Variants in RNF212B observed in about 807,000 individuals in gnomAD.
RNF212B encodes the protein ring finger protein 212B.
A neutral mutation model predicts 55.5 loss-of-function variants in RNF212B; 52 were observed. That is an observed-to-expected ratio of 0.94 (90% confidence interval 0.75 to 1.18). RNF212B has a LOEUF of 1.18. Among genes scored for constraint, RNF212B ranks in the 50% most tolerant of loss-of-function variants. The pLI is 0.00. For synonymous variants in RNF212B, 99 were observed against 121.4 expected (o/e 0.82, Z 1.21); for missense variants, 289 against 350.4 (o/e 0.82, Z 1.40).
chr14:23,271,698 C>G lies in RNF212B; in HGVS notation c.834+1037C>G, dbSNP rs561366351. On this transcript the variant is annotated intron_variant, in intron 14 of 14. Transcript: ENST00000430154. ...CAACACTGGGGAAGTAACATTCCTCCCTAAAATCCTCAAATGGAGGGATTA... is the reference window on the plus strand; with the variant it reads ...CAACACTGGGGAAGTAACATTCCTCGCTAAAATCCTCAAATGGAGGGATTA... 2.0e-5 allele frequency among the ~76,000 whole-genome samples: 3 copies of G among 151,996 alleles called. No homozygotes were observed. The East Asian group carries it at 5.8e-4, about 29-fold the overall frequency.
intron 4 of RNF212B, among the ~76,000 whole-genome samples, chr14:23,254,286 CAA>C (rs763020430): frequency 1.9e-4 from 16 of 84,792 alleles, no homozygotes; most frequent in South Asian, 1.1e-3. Context: ...CTCTTTATCT[CAA>C]AAACAAAACA....
chr14:23,194,746 A>AC (rs764496549), intron 2 of RNF212B, among the ~76,000 whole-genome samples: 9 of 151,440 alleles, frequency 5.9e-5, no homozygotes, highest in Middle Eastern at 3.4e-3. Context: ...AAAAAAAAAA[A>AC]AAAAAAAAAA....
intron 2 of RNF212B, among the ~76,000 whole-genome samples, chr14:23,224,602 T>C (rs1881848262): frequency 6.6e-6 from 1 of 152,240 alleles, no homozygotes; most frequent in East Asian, 1.9e-4. Context: ...AAAAGTCAAA[T>C]CAAAATGAAT....
chr14:23,222,726 T>C (rs899027111), intron 2 of RNF212B, among the ~76,000 whole-genome samples: 1 of 152,006 alleles, frequency 6.6e-6, no homozygotes, highest in African/African-American at 2.4e-5. Flanking sequence ...GATGCGAAAA[T>C]GCTAGTAAAC....
intron 12 of RNF212B, 93 bp downstream of exon 12, chr14:23,269,056 G>C: frequency 9.4e-7 from 1 of 1,064,648 alleles, no homozygotes; most frequent in Non-Finnish European, 1.4e-6. Flanking sequence ...TGTAATCCCA[G>C]CACTTTGGGA....
At position 23,201,672 on chromosome 14, in the gene RNF212B, T is replaced by A. The variant is rs534387764; in HGVS notation, c.-2+8271T>A. 7.2e-5 allele frequency among the ~76,000 whole-genome samples: 11 copies of A among 152,296 alleles called. No homozygotes were observed. The East Asian group carries it at 2.1e-3, about 29-fold the overall frequency. ...CAATTTATAATTTAATTTTGGAAAG[T>A]TTGTCAAATATAAAAGGTTTAAAAC... On this transcript the variant is annotated intron_variant, in intron 2 of 15. Transcript: ENST00000399910.
At chr14:23,202,715 G>T (rs1879424751) in intron 2 of RNF212B, among the ~76,000 whole-genome samples, 1 of 152,062 alleles carries the variant, frequency 6.6e-6, no homozygotes, top group African/African-American at 2.4e-5. Context: ...GCCGGGCATG[G>T]TGGTGGGCAC....
At chr14:23,233,562 C>CAAAAAAA (rs35654046), upstream of RNF212B, among the ~76,000 whole-genome samples, 80 of 58,364 alleles carry the variant, frequency 1.4e-3, no homozygotes, top group African/African-American at 1.8e-3. Flanking sequence ...CCCATCTCTA[C>CAAAAAAA]AAAAAAAAAA....
chr14:23,236,476 C>T (rs1233489949), upstream of RNF212B, among the ~76,000 whole-genome samples: 2 of 152,150 alleles, frequency 1.3e-5, no homozygotes, highest in Non-Finnish European at 2.9e-5. Flanking sequence ...GATGGCGCCA[C>T]TGCACTCCAG....
intron 2 of RNF212B, among the ~76,000 whole-genome samples, chr14:23,200,084 TTC>T (rs560709055): frequency 3.9e-5 from 6 of 151,992 alleles, no homozygotes; most frequent in South Asian, 2.1e-4. Context: ...AAACATTTTT[TTC>T]TCTCTCTCTC....
chr14:23,232,443 CCGG>C (rs1882730493), intron 2 of RNF212B, among the ~76,000 whole-genome samples: 1 of 114,300 alleles, frequency 8.7e-6, no homozygotes, highest in Non-Finnish European at 2.1e-5. Flanking sequence ...GCGCCTCCGC[CCGG>C]CAGCCGCCCC....
chr14:23,264,693 G>T (rs1463610330), intron 11 of RNF212B, 22 bp downstream of exon 11: 2 of 1,269,564 alleles, frequency 1.6e-6, no homozygotes, highest in Non-Finnish European at 2.0e-6. Context: ...GGAAAAGGGT[G>T]TCAGAAATCA....
At chr14:23,186,346 AT>A (rs60915610) in intron 1 of RNF212B, among the ~76,000 whole-genome samples, 100,806 of 146,414 alleles carry the variant, frequency 0.69, 36,732 homozygotes, top group Non-Finnish European at 0.81. Context: ...AATTTTGAGC[AT>A]TTTTTTTTTT....
At chr14:23,194,140 C>A (rs1878404581) in intron 2 of RNF212B, among the ~76,000 whole-genome samples, 2 of 152,146 alleles carry the variant, frequency 1.3e-5, no homozygotes, top group Non-Finnish European at 2.9e-5. Flanking sequence ...CCATTCCTGG[C>A]CTCATATACT....
chr14:23,270,747 T>A, intron 14 of RNF212B, 86 bp downstream of exon 14: 1 of 868,556 alleles, frequency 1.2e-6, no homozygotes, highest in Non-Finnish European at 1.9e-6. Flanking sequence ...TAGTGGAATA[T>A]AACCAGTGAA....
rs144659680 is a variant in RNF212B, at chr14:23,250,352, G to A, written c.228+5956G>A. ...AAAATTAGCCAGGTGTCATGGTGGC[G>A]CGTGCCTGTAATGCCAGCTGCTTGG... On this transcript the variant is annotated intron_variant, in intron 4 of 14. Coordinates refer to ENST00000430154, the MANE Select transcript of RNF212B (RefSeq NM_001282322.3). Among the ~76,000 whole-genome samples, 457 of 151,936 alleles carry A rather than the reference G, an allele frequency of 3.0e-3. 2 individuals carry two copies. Among genetic ancestry groups the A allele is most frequent in the African/African-American group, 0.011 (437 of 41,440 alleles).
intron 2 of RNF212B, among the ~76,000 whole-genome samples, chr14:23,232,580 C>T (rs570883617): frequency 6.6e-6 from 1 of 151,690 alleles, no homozygotes; most frequent in East Asian, 2.0e-4. Context: ...GCAGCCACCC[C>T]GTCCGGGAGG....
rs542149484 is a variant in RNF212B, at chr14:23,246,511, A to T, written c.228+2115A>T. Among the ~76,000 whole-genome samples, 39 of 152,306 alleles carry T rather than the reference A, an allele frequency of 2.6e-4. 1 individual carries two copies. Among genetic ancestry groups the T allele is most frequent in the African/African-American group, 9.1e-4 (38 of 41,564 alleles). ...CATACTTCCTCACATGTAATATGAA[A>T]TAATAATACTTATCCTACTTCTTGT... On this transcript the variant is annotated intron_variant, in intron 4 of 14. Coordinates refer to ENST00000430154, the MANE Select transcript of RNF212B (RefSeq NM_001282322.3).
At chr14:23,218,528 G>T (rs1329965146) in intron 2 of RNF212B, among the ~76,000 whole-genome samples, 1 of 151,906 alleles carries the variant, frequency 6.6e-6, no homozygotes, top group Non-Finnish European at 1.5e-5. Context: ...GGAATCATGT[G>T]AGTCTGGGAA....
Sources: allele counts gnomAD v4.1 joint callset (sites outside exome capture counted in the v4.1 genomes callset), GRCh38; gene constraint gnomAD v4.1.1; transcripts MANE v1.5; gene names NCBI Gene and HGNC (gene_info 2026-07-23, HGNC 2026-07-21).